Variants in SLC35D2 observed in about 807,000 individuals in gnomAD.
SLC35D2 encodes the protein solute carrier family 35 member D2.
Under a neutral mutation model 41.8 loss-of-function variants are expected in SLC35D2, and 43 were observed. The observed-to-expected ratio is 1.03, with a 90% CI of 0.81 to 1.33. The LOEUF is 1.33. Ranked by LOEUF, SLC35D2 falls within the 40% of genes most tolerant of loss-of-function variation. The pLI is 0.00. For synonymous variants in SLC35D2, 150 were observed against 163.9 expected (o/e 0.92, Z 0.65); for missense variants, 380 against 408.4 (o/e 0.93, Z 0.60).
chr9:96,343,691 T>C (rs1420549786), intron 8 of SLC35D2, among the ~76,000 whole-genome samples: 1 of 152,142 alleles, frequency 6.6e-6, no homozygotes, highest in African/African-American at 2.4e-5. Flanking sequence ...AAGTCCAGAG[T>C]TCTTGGCTCT....
At chr9:96,343,507 T>C (rs966146677) in intron 8 of SLC35D2, among the ~76,000 whole-genome samples, 23 of 152,366 alleles carry the variant, frequency 1.5e-4, no homozygotes, top group Non-Finnish European at 3.2e-4. Context: ...TACTCTATTT[T>C]GTGCATGTTT....
chr9:96,338,005 A>AAAAAAAAAAAAG lies in SLC35D2; in HGVS notation c.685-1222_685-1221insCTTTTTTTTTTT, dbSNP rs373089900. On this transcript the variant is annotated intron_variant, in intron 8 of 11. Transcript: ENST00000253270. ...TCAAAAAAAAAAAAAAAAAAAAAAA[A>AAAAAAAAAAAAG]CTCAATTTCTGCTCTCCAGGAATTT... Among the ~76,000 whole-genome samples the AAAAAAAAAAAAG allele has an allele frequency of 7.9e-4, 83 of 104,794 alleles. 3 individuals carry two copies. Among genetic ancestry groups the AAAAAAAAAAAAG allele is most frequent in the African/African-American group, 3.3e-3 (78 of 23,394 alleles). 68.7% of individuals were successfully genotyped at this position (104,794 alleles called of 152,430 possible).
rs540059228 is a variant in SLC35D2, at chr9:96,346,643, A to G, written c.489-1242T>C. On this transcript the variant is annotated intron_variant, in intron 6 of 11. Transcript: ENST00000253270. ...AGTGGCATACCCTGAATCTTCTTCA[A>G]TGTCAAAATAAGATTATTTCTAACC... Among the ~76,000 whole-genome samples the G allele has an allele frequency of 5.3e-5, 8 of 152,332 alleles. No homozygotes were observed. The South Asian group carries it at 1.2e-3, about 24-fold the overall frequency.
At chr9:96,362,366 G>T (rs901979386) in intron 3 of SLC35D2, among the ~76,000 whole-genome samples, 1 of 152,120 alleles carries the variant, frequency 6.6e-6, no homozygotes. Context: ...AATTGGCCGG[G>T]CATGGCGGCG....
chr9:96,349,521 T>G (rs138413814), intron 6 of SLC35D2, among the ~76,000 whole-genome samples: 1 of 151,356 alleles, frequency 6.6e-6, no homozygotes, highest in East Asian at 1.9e-4. Flanking sequence ...AATCTGCTCT[T>G]TTGTCAGTTC....
In SLC35D2 at chr9:96,343,979, T is replaced by G; in HGVS notation, c.609A>C (p.Gly203=). The G allele has an allele frequency of 6.3e-7, 1 of 1,598,140 alleles. No individual in the cohort carries two copies. Among genetic ancestry groups the G allele is most frequent in the East Asian group, 2.3e-5 (1 of 43,412 alleles). Residue 203 remains glycine (G), a synonymous_variant, in exon 8 of 12, where the codon GGA becomes GGC. Transcript: ENST00000253270. Reference sequence around the variant, plus strand: ...TGAAGCAGGCATTGTAGAAAAGTACTCCGTATTTCCCTAGCTCCTGCAAAA... The same window carrying G: ...TGAAGCAGGCATTGTAGAAAAGTACGCCGTATTTCCCTAGCTCCTGCAAAA... The part of the protein sequence containing the change: ...KMDPKELGKY[G]VLFYNACFMI...
At chr9:96,338,242 A>G (rs1293360575) in intron 8 of SLC35D2, among the ~76,000 whole-genome samples, 2 of 152,172 alleles carry the variant, frequency 1.3e-5, no homozygotes, top group Admixed American at 6.5e-5. Context: ...TAGAAACTCA[A>G]TGTATTTAAA....
chr9:96,367,033 A>G (rs931478806), intron 2 of SLC35D2, among the ~76,000 whole-genome samples: 8 of 150,596 alleles, frequency 5.3e-5, no homozygotes, highest in Non-Finnish European at 1.0e-4. Flanking sequence ...AACCTGGCCA[A>G]CATGGTGAAA....
At chr9:96,320,231 T>C (rs1271053488), downstream of SLC35D2, among the ~76,000 whole-genome samples, 3 of 152,186 alleles carry the variant, frequency 2.0e-5, no homozygotes, top group Admixed American at 1.3e-4. Context: ...CTAACAGGAT[T>C]GGCCGGGTTC....
At chr9:96,322,377 C>T (rs1011935165) in intron 10 of SLC35D2, among the ~76,000 whole-genome samples, 4 of 151,948 alleles carry the variant, frequency 2.6e-5, no homozygotes, top group East Asian at 1.9e-4. Context: ...TAAAAGTAGC[C>T]GGGCATGGTG....
At chr9:96,336,865 T>C in intron 8 of SLC35D2, 81 bp from the exon 9 acceptor site, 1 of 814,824 alleles carries the variant, frequency 1.2e-6, no homozygotes, top group South Asian at 1.7e-5. Flanking sequence ...AACTGCATTT[T>C]GATACAGGAA....
intron 4 of SLC35D2, among the ~76,000 whole-genome samples, chr9:96,359,848 C>T (rs1248457063): frequency 6.6e-6 from 1 of 152,166 alleles, no homozygotes; most frequent in Non-Finnish European, 1.5e-5. Context: ...AACCAAAAGT[C>T]ACACAAAATC....
At chr9:96,345,144 A>G (rs1464969207) in intron 7 of SLC35D2, among the ~76,000 whole-genome samples, 155 bp downstream of exon 7, 2 of 152,212 alleles carry the variant, frequency 1.3e-5, no homozygotes, top group Non-Finnish European at 2.9e-5. Context: ...TTCGCAAATA[A>G]TAACTTATAC....
At chr9:96,375,875 G>A (rs928079463) in intron 1 of SLC35D2, among the ~76,000 whole-genome samples, 8 of 151,626 alleles carry the variant, frequency 5.3e-5, no homozygotes, top group East Asian at 3.9e-4. Context: ...AAAATTAGCC[G>A]GGGAGTCAGG....
intron 6 of SLC35D2, among the ~76,000 whole-genome samples, chr9:96,349,955 G>A (rs575176305): frequency 6.6e-6 from 1 of 152,188 alleles, no homozygotes; most frequent in Admixed American, 6.5e-5. Context: ...TCCAAAAAAA[G>A]CCTGTCATGA....
intron 6 of SLC35D2, among the ~76,000 whole-genome samples, chr9:96,347,671 C>G (rs764424160): frequency 4.6e-5 from 7 of 152,034 alleles, no homozygotes; most frequent in Admixed American, 3.3e-4. Flanking sequence ...CGTGTGAACC[C>G]GAGCAACTCC....
Position 96,364,560 on chromosome 9 carries a change from AGG to A in SLC35D2, c.193-12_193-11del. On this transcript the variant is annotated splice_polypyrimidine_tract_variant and intron_variant, in intron 2 of 11. Coordinates refer to ENST00000253270, the MANE Select transcript of SLC35D2 (RefSeq NM_007001.3). ...TTATGGTGGCTGCCATCTGAAGAAAAGGGGAGAGAGAAACTTCAGCAAAATAT... is the reference window on the plus strand; with the variant it reads ...TTATGGTGGCTGCCATCTGAAGAAAAGGAGAGAGAAACTTCAGCAAAATAT... 6.5e-7 allele frequency: 1 copy of A among 1,548,638 alleles called. No individual in the cohort carries two copies. Among genetic ancestry groups the A allele is most frequent in the Non-Finnish European group, 8.9e-7 (1 of 1,123,470 alleles).
intron 8 of SLC35D2, among the ~76,000 whole-genome samples, chr9:96,339,931 G>A (rs993743980): frequency 2.0e-5 from 3 of 152,152 alleles, no homozygotes; most frequent in East Asian, 1.9e-4. Context: ...CTTCTCCATC[G>A]CTCCTAGTCC....
At chr9:96,364,876 A>T (rs1259456067) in intron 2 of SLC35D2, among the ~76,000 whole-genome samples, 4 of 151,720 alleles carry the variant, frequency 2.6e-5, no homozygotes, top group African/African-American at 9.7e-5. Context: ...AACATGGTGA[A>T]ATCCTGTCTT....
Sources: gnomAD v4.1 joint callset for allele counts (sites outside exome capture counted in the v4.1 genomes callset) on GRCh38, gnomAD v4.1.1 for gene constraint, MANE v1.5 for transcripts, NCBI Gene and HGNC (gene_info 2026-07-23, HGNC 2026-07-21) for gene names.